Variants in INSL6 observed in about 807,000 individuals in gnomAD.
INSL6 encodes the protein insulin-like peptide INSL6.
INSL6 carries 16 observed loss-of-function variants against 9.4 expected under a neutral mutation model. The observed-to-expected ratio is 1.70, with a 90% CI of 1.15 to 2.59. The LOEUF is 2.59. INSL6 is among the 30% of genes most tolerant of loss of function. The pLI is 0.00. For synonymous variants in INSL6, 154 were observed against 96.9 expected, an observed-to-expected ratio of 1.59 and a Z score of -3.46; for missense variants, 391 against 257.3, an observed-to-expected ratio of 1.52 and a Z score of -3.56.
the INSL6 span, among the ~76,000 whole-genome samples, chr9:5,031,834 T>C: frequency 7.2e-5 from 11 of 152,334 alleles, no homozygotes; most frequent in African/African-American, 2.6e-4. Flanking sequence ...GCATGGGCGA[T>C]GCAGAAGACG....
intron 2 of INSL6, among the ~76,000 whole-genome samples, chr9:5,136,096 G>C (rs777527879): frequency 2.0e-5 from 3 of 152,058 alleles, no homozygotes; most frequent in Non-Finnish European, 2.9e-5. Flanking sequence ...TCCCTGAATA[G>C]ACCAATAACA....
At chr9:5,119,512 G>A (rs1035740505), downstream of INSL6, among the ~76,000 whole-genome samples, 3 of 151,954 alleles carry the variant, frequency 2.0e-5, no homozygotes, top group Non-Finnish European at 4.4e-5. Context: ...GGGCAGTCAG[G>A]ATAAGCTGAA....
At chr9:5,005,485 T>C in the INSL6 span, among the ~76,000 whole-genome samples, 5 of 152,194 alleles carry the variant, frequency 3.3e-5, no homozygotes, top group Non-Finnish European at 7.3e-5. Context: ...GATTTCTAAA[T>C]GTTAACTTTG....
intron 2 of INSL6, among the ~76,000 whole-genome samples, chr9:5,149,170 T>A (rs990622002): frequency 3.9e-5 from 6 of 152,234 alleles, no homozygotes; most frequent in African/African-American, 1.4e-4. Context: ...GGGTCCCCTG[T>A]AGCAGCTAAG....
chr9:5,112,566 G>C, the INSL6 span: 1 of 646,264 alleles, frequency 1.5e-6, no homozygotes, highest in East Asian at 2.9e-5. Flanking sequence ...ACGCCAGGGA[G>C]CGGCTGCGGG....
At chr9:5,041,293 C>T in the INSL6 span, 2 of 947,966 alleles carry the variant, frequency 2.1e-6, no homozygotes, top group Non-Finnish European at 3.3e-6. Context: ...ACACTGGTCT[C>T]AGGACCAAGA....
the INSL6 span, chr9:5,054,608 C>G: frequency 6.2e-7 from 1 of 1,611,350 alleles, no homozygotes; most frequent in African/African-American, 1.3e-5. The surrounding 1 kb of genome is among the most constrained non-coding windows in gnomAD (Gnocchi z 4.9). Context: ...AGATCCAAGA[C>G]TATCATATTT....
the INSL6 span, chr9:5,066,759 T>C: frequency 6.4e-7 from 1 of 1,563,824 alleles, no homozygotes; most frequent in Non-Finnish European, 8.6e-7. Context: ...CTAAGGACTT[T>C]AATAAATATT....
intron 1 of INSL6, among the ~76,000 whole-genome samples, chr9:5,176,173 C>A (rs953181862): frequency 6.6e-6 from 1 of 152,176 alleles, no homozygotes; most frequent in African/African-American, 2.4e-5. Context: ...GGCAGAAGGG[C>A]CTCTGCTCCA....
chr9:5,092,587 AC>A, the INSL6 span, among the ~76,000 whole-genome samples: 4 of 152,234 alleles, frequency 2.6e-5, no homozygotes, highest in Admixed American at 2.0e-4. Flanking sequence ...CACAATAGAT[AC>A]AGTACCGTAA....
the INSL6 span, among the ~76,000 whole-genome samples, chr9:5,077,236 T>C: frequency 6.7e-6 from 1 of 150,160 alleles, no homozygotes; most frequent in African/African-American, 2.4e-5. Flanking sequence ...TATATAATAA[T>C]ATATAATTGT....
chr9:5,082,029 T>C, the INSL6 span, among the ~76,000 whole-genome samples: 16 of 152,246 alleles, frequency 1.1e-4, no homozygotes, highest in Non-Finnish European at 2.2e-4. Context: ...CAGCTATCTT[T>C]ACTGAATGAA....
In INSL6 at chr9:5,163,875, A is replaced by T; in HGVS notation, c.*38T>A. ...AAAAAAAATAGAGTTAAATAAATGT[A>T]TTAAGCTTTTATTAGGTTAGAAAAA... On this transcript the variant is annotated 3_prime_UTR_variant, in exon 2 of 2. Coordinates refer to ENST00000381641, the MANE Select transcript of INSL6 (RefSeq NM_007179.3). The T allele has an allele frequency of 7.8e-7, 1 of 1,286,312 alleles. No individual in the cohort carries two copies. The highest frequency in any genetic ancestry group is 1.1e-6 in the Non-Finnish European group (1 of 905,968). 79.7% of individuals were successfully genotyped at this position (1,286,312 alleles called of 1,614,324 possible).
At chr9:5,169,061 G>T (rs999805412) in intron 1 of INSL6, among the ~76,000 whole-genome samples, 4 of 151,962 alleles carry the variant, frequency 2.6e-5, no homozygotes, top group African/African-American at 9.7e-5. Flanking sequence ...CAAGTCCCTG[G>T]GATTAGAGGC....
At chr9:5,169,441 T>A (rs1394815272) in intron 1 of INSL6, among the ~76,000 whole-genome samples, 2 of 152,068 alleles carry the variant, frequency 1.3e-5, no homozygotes, top group African/African-American at 4.8e-5. Flanking sequence ...CACAGACCAG[T>A]GACACTATGA....
chr9:4,994,301 G>A, the INSL6 span, among the ~76,000 whole-genome samples: 1 of 152,204 alleles, frequency 6.6e-6, no homozygotes, highest in Non-Finnish European at 1.5e-5. Context: ...ATTGAAGACA[G>A]TGAGGATTAA....
At chr9:5,171,140 G>A (rs939398313) in intron 1 of INSL6, among the ~76,000 whole-genome samples, 10 of 152,146 alleles carry the variant, frequency 6.6e-5, no homozygotes, top group Admixed American at 6.5e-5. Context: ...TATCTGCCAC[G>A]ATCAAGTTGG....
the INSL6 span, chr9:5,054,985 C>T: frequency 1.2e-6 from 1 of 815,704 alleles, no homozygotes; most frequent in Non-Finnish European, 1.9e-6. This position sits in a 1 kb window ranked among gnomAD's most constrained non-coding sequence, Gnocchi z 4.9. Context: ...TGCACTTCTC[C>T]CATTTGATAG....
At chr9:5,045,246 T>C in the INSL6 span, among the ~76,000 whole-genome samples, 3 of 152,130 alleles carry the variant, frequency 2.0e-5, no homozygotes, top group South Asian at 6.2e-4. Flanking sequence ...GTATCAGGAG[T>C]TCTAAATCAG....
Sources: allele counts gnomAD v4.1 joint callset (sites outside exome capture counted in the v4.1 genomes callset), GRCh38; gene constraint gnomAD v4.1.1; non-coding constraint Gnocchi (gnomAD v3.1); transcripts MANE v1.5; gene names NCBI Gene and HGNC (gene_info 2026-07-23, HGNC 2026-07-21).